RAP1GAP2: variants seen among roughly 807,000 people sequenced by gnomAD.
RAP1GAP2 encodes rap1 GTPase-activating protein 2.
Under a neutral mutation model 95.0 loss-of-function variants are expected in RAP1GAP2, and 27 were observed. That is an observed-to-expected ratio of 0.28 (90% CI 0.21 to 0.39). The LOEUF is 0.39. RAP1GAP2 is among the 10% of genes least tolerant of loss of function. The pLI is 1.00. For missense variants in RAP1GAP2, 771 were observed against 970.0 expected, an observed-to-expected ratio of 0.79 and a Z score of 2.72; for synonymous variants, 373 against 380.9, an observed-to-expected ratio of 0.98 and a Z score of 0.24.
rs1307782687 is a variant in RAP1GAP2, at chr17:3,027,476, A to C, written c.2107+406A>C. Among the ~76,000 whole-genome samples, 1 of 151,764 alleles carries C rather than the reference A, an allele frequency of 6.6e-6. No individual in the cohort carries two copies. Among genetic ancestry groups the C allele is most frequent in the Non-Finnish European group, 1.5e-5 (1 of 67,938 alleles). ...GGGTCTTGATAATACAAGACGGGGG[A>C]AGGGCTGCAGGGGGAGGGAACAGCA... is the stretch of plus-strand genomic sequence containing the variant. On this transcript the variant is annotated intron_variant, in intron 22 of 24. Transcript: ENST00000254695. The surrounding 1 kb of genome is among the most constrained non-coding windows in gnomAD (Gnocchi z 5.2).
At chr17:2,897,644 G>A (rs769687514) in intron 2 of RAP1GAP2, among the ~76,000 whole-genome samples, 18 of 151,872 alleles carry the variant, frequency 1.2e-4, no homozygotes, top group Non-Finnish European at 2.4e-4. Context: ...ACAGGCGTGA[G>A]CCACCATACC....
Position 2,948,715 on chromosome 17 carries a change from G to A in RAP1GAP2, c.166-9044G>A, listed in dbSNP as rs1401229977. Reference sequence around the variant, plus strand: ...GATGGAGAGAAGGGGTCCTGGACTCGGGTGCAACAAGAGGGAAGGAACAGG... The same window carrying A: ...GATGGAGAGAAGGGGTCCTGGACTCAGGTGCAACAAGAGGGAAGGAACAGG... On this transcript the variant is annotated intron_variant, in intron 3 of 24. Transcript: ENST00000254695. Among the ~76,000 whole-genome samples the A allele has an allele frequency of 3.4e-5, 5 of 144,968 alleles. 1 individual carries two copies. Among genetic ancestry groups the A allele is most frequent in the Admixed American group, 1.4e-4 (2 of 14,194 alleles).
At chr17:2,786,759 C>T (rs1465352908) in intron 1 of RAP1GAP2, among the ~76,000 whole-genome samples, 2 of 152,012 alleles carry the variant, frequency 1.3e-5, no homozygotes, top group South Asian at 2.1e-4. Context: ...GACTCTCCTG[C>T]CCCAGTCTCC....
At chr17:2,933,978 G>T (rs566446886) in intron 3 of RAP1GAP2, among the ~76,000 whole-genome samples, 1 of 152,360 alleles carries the variant, frequency 6.6e-6, no homozygotes, top group Admixed American at 6.5e-5. Flanking sequence ...GAAAAATGGG[G>T]CCGATTGCCC....
chr17:2,832,362 T>G (rs1043831259), intron 2 of RAP1GAP2, among the ~76,000 whole-genome samples: 28 of 149,922 alleles, frequency 1.9e-4, no homozygotes, highest in Admixed American at 4.7e-4. Context: ...ATCGAGATCA[T>G]CCTGGCTAAA....
At chr17:2,845,814 TCG>T (rs1597424484) in intron 2 of RAP1GAP2, among the ~76,000 whole-genome samples, 1 of 151,550 alleles carries the variant, frequency 6.6e-6, no homozygotes, top group East Asian at 1.9e-4. Context: ...TGAGCCGAGG[TCG>T]CACCACTACA....
Position 2,820,852 on chromosome 17 carries a change from G to A in RAP1GAP2, c.80+20302G>A, listed in dbSNP as rs186632845. ...TTCTCCTGCCTCAGCCTCCCAAGTA[G>A]CTGGGACTACAGGTGCCCGCCACCA... On this transcript the variant is annotated intron_variant, in intron 2 of 24. Coordinates refer to ENST00000254695, the MANE Select transcript of RAP1GAP2 (RefSeq NM_015085.5). Among the ~76,000 whole-genome samples the A allele has an allele frequency of 3.2e-3, 483 of 149,288 alleles. 3 individuals are homozygous for A. Among genetic ancestry groups the A allele is most frequent in the African/African-American group, 0.011 (457 of 40,564 alleles).
At chr17:2,864,367 T>C (rs1168392985) in intron 2 of RAP1GAP2, among the ~76,000 whole-genome samples, 1 of 152,232 alleles carries the variant, frequency 6.6e-6, no homozygotes, top group African/African-American at 2.4e-5. Context: ...TGTTTTTTCC[T>C]TTGGAGCTGA....
At chr17:2,916,960 G>A (rs142452003) in intron 3 of RAP1GAP2, among the ~76,000 whole-genome samples, 4 of 152,284 alleles carry the variant, frequency 2.6e-5, no homozygotes, top group African/African-American at 9.6e-5. Context: ...CACGGGCTTC[G>A]GCCTAGGCGT....
chr17:2,874,519 AG>A (rs2073000757), intron 2 of RAP1GAP2, among the ~76,000 whole-genome samples: 1 of 152,182 alleles, frequency 6.6e-6, no homozygotes. Context: ...CATTTCAAGC[AG>A]GTATTCAGTG....
At position 2,820,687 on chromosome 17, in the gene RAP1GAP2, G is replaced by A. The variant is rs62089695; in HGVS notation, c.80+20137G>A. 1.9e-3 allele frequency among the ~76,000 whole-genome samples: 292 copies of A among 150,752 alleles called. 4 individuals carry two copies. The highest frequency in any genetic ancestry group is 6.9e-3 in the African/African-American group (283 of 41,050). On this transcript the variant is annotated intron_variant, in intron 2 of 24. Coordinates refer to ENST00000254695, the MANE Select transcript of RAP1GAP2 (RefSeq NM_015085.5). ...CAATTCTATGATTCCCATTCCCCAC[G>A]TCCTCACTGATGTTTGATTTTCATG...
chr17:2,965,437 C>T lies in RAP1GAP2; in HGVS notation c.493-103C>T. The T allele has an allele frequency of 2.4e-6, 2 of 839,776 alleles. No homozygotes were observed. Among genetic ancestry groups the T allele is most frequent in the South Asian group, 1.6e-5 (1 of 62,476 alleles). The allele number at this position is 839,776 out of a possible 1,614,324, so 52.0% of individuals were successfully genotyped here. A position where few individuals can be genotyped will look rare whatever the true frequency, so the allele number is the denominator to read the frequency against. The stretch of plus-strand genomic sequence containing the variant: ...TTGTCATCAGTAGCATCCTTCTCTT[C>T]CTTGTTGCTGTGGGGCTTCTCCTGG... On this transcript the variant is annotated intron_variant, in intron 7 of 24. Coordinates refer to ENST00000254695, the MANE Select transcript of RAP1GAP2 (RefSeq NM_015085.5). This position sits in a 1 kb window ranked among gnomAD's most constrained non-coding sequence, Gnocchi z 4.7.
chr17:2,910,788 C>CG (rs2042348526), intron 3 of RAP1GAP2, among the ~76,000 whole-genome samples: 1 of 152,172 alleles, frequency 6.6e-6, no homozygotes, highest in East Asian at 1.9e-4. Flanking sequence ...TGTAATGGCG[C>CG]GATCTCGGCT....
At chr17:2,929,388 C>T (rs2043069621) in intron 3 of RAP1GAP2, among the ~76,000 whole-genome samples, 1 of 152,046 alleles carries the variant, frequency 6.6e-6, no homozygotes, top group Non-Finnish European at 1.5e-5. Flanking sequence ...TCCCCTGGCC[C>T]CGCCAGGTGA....
chr17:2,854,703 C>T (rs189563294), intron 2 of RAP1GAP2, among the ~76,000 whole-genome samples: 2 of 152,312 alleles, frequency 1.3e-5, no homozygotes, highest in Non-Finnish European at 2.9e-5. Flanking sequence ...TTTTGGACGA[C>T]CTGTGTGGTG....
intron 2 of RAP1GAP2, among the ~76,000 whole-genome samples, chr17:2,883,496 G>T (rs1047153018): frequency 7.0e-4 from 107 of 152,154 alleles, no homozygotes; most frequent in African/African-American, 2.1e-3. Flanking sequence ...AGAGGGAAGC[G>T]CCTTCGATCT....
intron 2 of RAP1GAP2, among the ~76,000 whole-genome samples, chr17:2,828,887 C>T (rs979819499): frequency 2.6e-5 from 4 of 151,562 alleles, no homozygotes; most frequent in Non-Finnish European, 5.9e-5. Flanking sequence ...TCTTTGCTCT[C>T]TCCTTTTGCT....
chr17:3,028,267 G>T (rs887842557), intron 22 of RAP1GAP2, among the ~76,000 whole-genome samples: 1 of 152,114 alleles, frequency 6.6e-6, no homozygotes, highest in African/African-American at 2.4e-5. Context: ...AGACAATAGT[G>T]TAGTCAGCGG....
At position 2,872,213 on chromosome 17, in the gene RAP1GAP2, C is replaced by CAAAAAA. The variant is rs562587177; in HGVS notation, c.81-33055_81-33050dup. 2.5e-4 allele frequency among the ~76,000 whole-genome samples: 19 copies of CAAAAAA among 75,642 alleles called. 6 individuals are homozygous for CAAAAAA. The highest frequency in any genetic ancestry group is 7.1e-4 in the South Asian group (1 of 1,414). The allele number at this position is 75,642 out of a possible 152,430, so 49.6% of individuals were successfully genotyped here. On this transcript the variant is annotated intron_variant, in intron 2 of 24. Coordinates refer to ENST00000254695, the MANE Select transcript of RAP1GAP2 (RefSeq NM_015085.5). ...TGGATGACAGAATGAGCCTCTGTCT[C>CAAAAAA]AAAAAAAAAAAAAAAAAAAAAGGTG...
Sources: allele counts gnomAD v4.1 joint callset (sites outside exome capture counted in the v4.1 genomes callset), GRCh38; gene constraint gnomAD v4.1.1; non-coding constraint Gnocchi (gnomAD v3.1); transcripts MANE v1.5; gene names NCBI Gene and HGNC (gene_info 2026-07-23, HGNC 2026-07-21).